Variants in DLGAP2 observed in about 807,000 individuals in gnomAD.
The protein encoded by DLGAP2 is disks large-associated protein 2.
Under a neutral mutation model 100.3 loss-of-function variants are expected in DLGAP2, and 26 were observed. The ratio of observed to expected loss-of-function variants is 0.26; its 90% confidence interval spans 0.19 to 0.36. The LOEUF (loss-of-function observed/expected upper bound fraction) is 0.36, where lower values mean the gene tolerates loss of function less well. Ranked by LOEUF, DLGAP2 falls within the 10% of genes least tolerant of loss-of-function variation. The pLI is 1.00. For synonymous variants in DLGAP2, 886 were observed against 630.1 expected (o/e 1.41, Z -6.08); for missense variants, 1,858 against 1,453.2 (o/e 1.28, Z -4.53).
At chr8:1,516,579 ATGAG>A (rs1189798662) in intron 4 of DLGAP2, among the ~76,000 whole-genome samples, 2 of 147,170 alleles carry the variant, frequency 1.4e-5, no homozygotes, top group Admixed American at 1.3e-4. Context: ...GAGGGCGTGA[ATGAG>A]TGAGTGAATG....
At chr8:1,640,076 G>A (rs1252651185) in intron 8 of DLGAP2, among the ~76,000 whole-genome samples, 1 of 152,240 alleles carries the variant, frequency 6.6e-6, no homozygotes, top group Non-Finnish European at 1.5e-5. Context: ...TACTGGTAGA[G>A]TGCATGAATG....
At chr8:910,994 C>A (rs1798473583) in intron 2 of DLGAP2, among the ~76,000 whole-genome samples, 1 of 152,060 alleles carries the variant, frequency 6.6e-6, no homozygotes, top group Admixed American at 6.6e-5. Flanking sequence ...TTAAAATAGT[C>A]CCAGACGCCT....
intron 3 of DLGAP2, among the ~76,000 whole-genome samples, chr8:1,363,671 G>T (rs1802037594): frequency 6.6e-6 from 1 of 152,112 alleles, no homozygotes; most frequent in African/African-American, 2.4e-5. Context: ...TTCTGGGTGG[G>T]GACAACAGTC....
intron 4 of DLGAP2, among the ~76,000 whole-genome samples, chr8:1,516,479 G>C (rs1168797010): frequency 6.6e-6 from 1 of 150,428 alleles, no homozygotes; most frequent in African/African-American, 2.5e-5. Context: ...GGGTGACTGA[G>C]TGAAAGAGTA....
chr8:872,283 T>C (rs1797613075), intron 1 of DLGAP2, among the ~76,000 whole-genome samples: 1 of 151,844 alleles, frequency 6.6e-6, no homozygotes, highest in African/African-American at 2.4e-5. Context: ...TTATATTTAA[T>C]GACAGCTAAA....
intron 3 of DLGAP2, among the ~76,000 whole-genome samples, chr8:1,437,608 TTGTG>T (rs1161917374): frequency 6.6e-6 from 1 of 152,152 alleles, no homozygotes; most frequent in Admixed American, 6.5e-5. Flanking sequence ...TGATTCCTAA[TTGTG>T]TGAGGAAAAG....
intron 1 of DLGAP2, among the ~76,000 whole-genome samples, chr8:764,182 C>T (rs1821153912): frequency 6.6e-6 from 1 of 152,184 alleles, no homozygotes; most frequent in South Asian, 2.1e-4. Context: ...GCCGCAGCTG[C>T]CACTCATCCT....
At chr8:917,946 C>G (rs1798630764) in intron 2 of DLGAP2, among the ~76,000 whole-genome samples, 1 of 152,170 alleles carries the variant, frequency 6.6e-6, no homozygotes, top group Non-Finnish European at 1.5e-5. Context: ...GACAATGAGA[C>G]TGCCTCATGA....
chr8:1,343,366 G>C (rs998175599), intron 3 of DLGAP2, among the ~76,000 whole-genome samples: 1 of 152,084 alleles, frequency 6.6e-6, no homozygotes, highest in African/African-American at 2.4e-5. Flanking sequence ...TCACAGACAC[G>C]GCCAACCGGA....
intron 6 of DLGAP2, among the ~76,000 whole-genome samples, chr8:1,602,887 G>A (rs1347020793): frequency 6.6e-6 from 1 of 152,244 alleles, no homozygotes; most frequent in Admixed American, 6.5e-5. Flanking sequence ...AAAGTGAAGT[G>A]TGTAGCACCC....
chr8:1,188,623 A>G (rs553789261), intron 2 of DLGAP2, among the ~76,000 whole-genome samples: 2 of 152,208 alleles, frequency 1.3e-5, no homozygotes, highest in East Asian at 1.9e-4. Context: ...GCCTCACGGA[A>G]TCTCACAGCT....
At chr8:1,213,923 T>C (rs1386034730) in intron 2 of DLGAP2, among the ~76,000 whole-genome samples, 1 of 152,152 alleles carries the variant, frequency 6.6e-6, no homozygotes, top group African/African-American at 2.4e-5. Context: ...CCCAGTTCCT[T>C]TTCCACAGTG....
intron 4 of DLGAP2, among the ~76,000 whole-genome samples, chr8:1,542,039 C>G (rs1048555449): frequency 6.6e-6 from 1 of 152,354 alleles, no homozygotes; most frequent in East Asian, 1.9e-4. Context: ...GAAACAGCTT[C>G]AGCCACATTC....
At chr8:1,650,531 G>A (rs774918628) in intron 8 of DLGAP2, among the ~76,000 whole-genome samples, 3 of 152,218 alleles carry the variant, frequency 2.0e-5, no homozygotes, top group Admixed American at 6.5e-5. Flanking sequence ...TAAAACACCC[G>A]TGTTATCTGG....
chr8:1,590,682 G>C (rs1219521834), intron 6 of DLGAP2, among the ~76,000 whole-genome samples: 4 of 152,180 alleles, frequency 2.6e-5, no homozygotes. Flanking sequence ...TGAGTTTGTA[G>C]TTCTAAGAAA....
intron 8 of DLGAP2, among the ~76,000 whole-genome samples, chr8:1,661,858 C>T (rs779693899): frequency 1.8e-4 from 28 of 152,216 alleles, no homozygotes; most frequent in East Asian, 9.6e-4. Context: ...ACAATTCAGC[C>T]GGTGTCATCA....
chr8:816,486 A>G (rs1041010220), intron 1 of DLGAP2, among the ~76,000 whole-genome samples: 2 of 152,258 alleles, frequency 1.3e-5, no homozygotes, highest in Non-Finnish European at 2.9e-5. Context: ...TACGAAGCTT[A>G]GTATCACTGG....
At chr8:1,439,913 C>G (rs1797778868) in intron 3 of DLGAP2, among the ~76,000 whole-genome samples, 1 of 152,116 alleles carries the variant, frequency 6.6e-6, no homozygotes, top group Non-Finnish European at 1.5e-5. Flanking sequence ...CATCCCTAGA[C>G]AATGACAGTG....
chr8:1,514,422 A>G (rs1417307602), intron 4 of DLGAP2, among the ~76,000 whole-genome samples: 2 of 152,260 alleles, frequency 1.3e-5, no homozygotes, highest in African/African-American at 4.8e-5. Flanking sequence ...CACTTTTAAA[A>G]CTTAATGAAA....
Sources: allele counts gnomAD v4.1 joint callset (sites outside exome capture counted in the v4.1 genomes callset), GRCh38; gene constraint gnomAD v4.1.1; transcripts MANE v1.5; gene names NCBI Gene and HGNC (gene_info 2026-07-23, HGNC 2026-07-21).